HAPLN2: variants seen among roughly 807,000 people sequenced by gnomAD.
The protein encoded by HAPLN2 is hyaluronan and proteoglycan link protein 2.
HAPLN2 carries 27 observed loss-of-function variants against 29.3 expected under a neutral mutation model. The ratio of observed to expected loss-of-function variants is 0.92; its 90% CI spans 0.68 to 1.27. The LOEUF is 1.27. Ranked by LOEUF, HAPLN2 falls within the 50% of genes most tolerant of loss-of-function variation. HAPLN2 has a pLI of 0.00. For synonymous variants in HAPLN2, 208 were observed against 211.7 expected, an observed-to-expected ratio of 0.98 and a Z score of 0.15; for missense variants, 454 against 484.3, an observed-to-expected ratio of 0.94 and a Z score of 0.59.
the HAPLN2 span, among the ~76,000 whole-genome samples, chr1:156,611,754 A>G: frequency 6.6e-6 from 1 of 152,190 alleles, no homozygotes; most frequent in Non-Finnish European, 1.5e-5. Context: ...ATTACTTTCT[A>G]TGAGCCAAGC....
chr1:156,624,000 G>T lies in HAPLN2; in HGVS notation c.279G>T (p.Gly93=). The T allele has an allele frequency of 4.3e-6, 7 of 1,610,198 alleles. No homozygotes were observed. Among genetic ancestry groups the T allele is most frequent in the Non-Finnish European group, 4.2e-6 (5 of 1,178,320 alleles). ...TCACCAACGGACTGCACGCCCGGGG[G>T]TATGGGCCCCTGGGAGGGCGCGCCA... The part of the protein sequence containing the change: ...ILITNGLHAR[G]YGPLGGRARM... The change falls in exon 4 of 7, where the codon GGG becomes GGT. Residue 93 remains glycine (G), a synonymous_variant. Coordinates refer to ENST00000255039, the MANE Select transcript of HAPLN2 (RefSeq NM_021817.3).
chr1:156,615,939 T>TA (rs559534437), upstream of HAPLN2, among the ~76,000 whole-genome samples: 1 of 151,842 alleles, frequency 6.6e-6, no homozygotes, highest in South Asian at 2.1e-4. Context: ...TCCCATCTGT[T>TA]AAAAAAAATT....
intron 2 of HAPLN2, among the ~76,000 whole-genome samples, chr1:156,621,012 T>C (rs1299299704): frequency 1.3e-5 from 2 of 151,992 alleles, no homozygotes; most frequent in Admixed American, 6.6e-5. Context: ...AAGGAACTTG[T>C]GCATGATAAT....
upstream of HAPLN2, among the ~76,000 whole-genome samples, chr1:156,616,436 C>T (rs1236210035): frequency 6.6e-6 from 1 of 152,212 alleles, no homozygotes; most frequent in African/African-American, 2.4e-5. Flanking sequence ...TCAAATAGTT[C>T]TAGGCTTTCC....
At chr1:156,607,719 A>G in the HAPLN2 span, among the ~76,000 whole-genome samples, 2 of 152,190 alleles carry the variant, frequency 1.3e-5, no homozygotes, top group African/African-American at 2.4e-5. Context: ...ATAGTGTTAT[A>G]AAAGTCAGGC....
intron 3 of HAPLN2, 38 bp from the exon 4 acceptor site, chr1:156,623,769 G>A (rs1678335490): frequency 1.4e-6 from 2 of 1,472,278 alleles, no homozygotes; most frequent in African/African-American, 1.4e-5. Context: ...GGGCAGTGAG[G>A]ATTGGGGGTT....
At chr1:156,601,589 C>A in the HAPLN2 span, 1 of 863,822 alleles carries the variant, frequency 1.2e-6, no homozygotes, top group East Asian at 2.7e-5. Context: ...GGTATGGTTG[C>A]CATAGAAACT....
chr1:156,615,552 A>C, upstream of HAPLN2, among the ~76,000 whole-genome samples: 1 of 143,972 alleles, frequency 6.9e-6, no homozygotes. Context: ...GACAGATCCC[A>C]TCTCACTCTC....
upstream of HAPLN2, among the ~76,000 whole-genome samples, chr1:156,616,568 A>G (rs750563901): frequency 2.0e-4 from 30 of 152,168 alleles, no homozygotes; most frequent in Non-Finnish European, 3.5e-4. Context: ...GAATGGATGC[A>G]GTGGCCAGGC....
intron 2 of HAPLN2, among the ~76,000 whole-genome samples, chr1:156,621,289 G>A (rs943583253): frequency 2.0e-5 from 3 of 151,698 alleles, no homozygotes; most frequent in African/African-American, 7.3e-5. Context: ...ATTTTTAGTA[G>A]AGACAGGGTT....
chr1:156,603,350 C>T, the HAPLN2 span, among the ~76,000 whole-genome samples: 11 of 151,796 alleles, frequency 7.2e-5, no homozygotes, highest in Middle Eastern at 3.2e-3. Flanking sequence ...CCGGGGCAAA[C>T]TTGAGTTTCG....
At chr1:156,612,488 A>T in the HAPLN2 span, among the ~76,000 whole-genome samples, 1 of 152,112 alleles carries the variant, frequency 6.6e-6, no homozygotes, top group South Asian at 2.1e-4. Flanking sequence ...TCCTGGGTTC[A>T]AGCAATTCTC....
the HAPLN2 span, among the ~76,000 whole-genome samples, chr1:156,609,401 C>T: frequency 6.6e-6 from 1 of 152,198 alleles, no homozygotes; most frequent in South Asian, 2.1e-4. Context: ...AAGTCATTTT[C>T]TCTATGTGGT....
the HAPLN2 span, among the ~76,000 whole-genome samples, chr1:156,609,513 T>A: frequency 1.3e-5 from 2 of 152,190 alleles, no homozygotes; most frequent in African/African-American, 4.8e-5. Context: ...ATCCAAGTAG[T>A]CTTCCAATTA....
At chr1:156,608,680 T>TTA in the HAPLN2 span, among the ~76,000 whole-genome samples, 1 of 151,988 alleles carries the variant, frequency 6.6e-6, no homozygotes, top group Non-Finnish European at 1.5e-5. Context: ...GCAGCTGGGA[T>TTA]TATAGGTGTC....
chr1:156,604,381 C>T, the HAPLN2 span, among the ~76,000 whole-genome samples: 8,400 of 151,782 alleles, frequency 0.055, 342 homozygotes, highest in African/African-American at 0.11. Flanking sequence ...CAACCTCCAC[C>T]TCCTAGGTTC....
chr1:156,604,494 T>C, the HAPLN2 span, among the ~76,000 whole-genome samples: 1 of 152,182 alleles, frequency 6.6e-6, no homozygotes, highest in Non-Finnish European at 1.5e-5. Flanking sequence ...TTCACCATGT[T>C]GGCCAGGATG....
chr1:156,602,064 A>T, the HAPLN2 span, among the ~76,000 whole-genome samples: 1 of 151,704 alleles, frequency 6.6e-6, no homozygotes, highest in African/African-American at 2.4e-5. Context: ...CAGCCTCGTG[A>T]GTATCTGGTA....
Position 156,624,624 on chromosome 1 carries a change from T to G in HAPLN2, c.580T>G (p.Cys194Gly). ...YQAWTEGLDW[C>G]NAGWLLEGSV... is the part of the protein sequence containing the mutation. ...AGCTTGGACCGAGGGTCTGGACTGG[T>G]GTAACGCGGGCTGGCTGCTCGAGGG... The change falls in exon 6 of 7, where the codon TGT becomes GGT. Residue 194 changes from cysteine (C) to glycine (G), a missense_variant. Coordinates refer to ENST00000255039, the MANE Select transcript of HAPLN2 (RefSeq NM_021817.3). 1 of 1,612,784 alleles carries G rather than the reference T, an allele frequency of 6.2e-7. No homozygotes were observed. Among genetic ancestry groups the G allele is most frequent in the Non-Finnish European group, 8.5e-7 (1 of 1,179,636 alleles).
Sources: gnomAD v4.1 joint callset for allele counts (sites outside exome capture counted in the v4.1 genomes callset) on GRCh38, gnomAD v4.1.1 for gene constraint, MANE v1.5 for transcripts, NCBI Gene and HGNC (gene_info 2026-07-23, HGNC 2026-07-21) for gene names.